The following RGL1 variants were observed in gnomAD, a reference collection of about 807,000 sequenced individuals.
RGL1 encodes the protein ral guanine nucleotide dissociation stimulator like 1, also known as ral guanine nucleotide dissociation stimulator-like 1.
Under a neutral mutation model 95.2 loss-of-function variants are expected in RGL1, and 24 were observed. The ratio of observed to expected loss-of-function variants is 0.25; its 90% CI spans 0.18 to 0.35. RGL1 has a LOEUF of 0.35. Ranked by LOEUF, RGL1 falls within the 10% of genes least tolerant of loss-of-function variation. The pLI is 1.00. For synonymous variants in RGL1, 329 were observed against 344.9 expected (o/e 0.95, Z 0.51); for missense variants, 715 against 936.3 (o/e 0.76, Z 3.08).
chr1:183,916,352 C>T (rs1211219315), intron 15 of RGL1, 95 bp from the exon 16 acceptor site: 2 of 1,431,122 alleles, frequency 1.4e-6, no homozygotes, highest in Non-Finnish European at 1.9e-6. Flanking sequence ...TAACTGCAGT[C>T]TATCAGTCTT....
At chr1:183,878,146 TTCTTTCTATCTATCTA>T (rs1300289473) in intron 4 of RGL1, among the ~76,000 whole-genome samples, 92 of 97,374 alleles carry the variant, frequency 9.4e-4, no homozygotes, top group African/African-American at 3.5e-3. Flanking sequence ...CATGTTGATT[TTCTTTCTATCTATCTA>T]TCTATCTATC....
At chr1:183,670,718 A>G (rs1168163123) in intron 1 of RGL1, among the ~76,000 whole-genome samples, 1 of 152,138 alleles carries the variant, frequency 6.6e-6, no homozygotes, top group Admixed American at 6.5e-5. Flanking sequence ...AGAGTTGTTG[A>G]TTTTTCAGTC....
intron 4 of RGL1, among the ~76,000 whole-genome samples, chr1:183,875,858 G>A (rs1014228154): frequency 1.2e-4 from 16 of 129,260 alleles, no homozygotes; most frequent in East Asian, 2.2e-4. Flanking sequence ...CAGCCTGGGC[G>A]ACAGCTCTGT....
intron 1 of RGL1, among the ~76,000 whole-genome samples, chr1:183,805,997 T>TTTTTTTTTTTTTTTTTTTTTTTTTTC (rs1661303439): frequency 3.8e-4 from 31 of 80,554 alleles, no homozygotes; most frequent in Non-Finnish European, 5.0e-4. Context: ...TTTTTTTTTT[T>TTTTTTTTTTTTTTTTTTTTTTTTTTC]TTTTTTTTTT....
intron 14 of RGL1, among the ~76,000 whole-genome samples, chr1:183,907,744 T>A (rs1219332480): frequency 6.6e-6 from 1 of 152,214 alleles, no homozygotes; most frequent in African/African-American, 2.4e-5. Flanking sequence ...AACAGGAACC[T>A]TGTCTATCAT....
At chr1:183,636,255 C>T in exon 1 of RGL1, 1 of 398,746 alleles carries the variant, frequency 2.5e-6, no homozygotes, top group Non-Finnish European at 4.4e-6. Flanking sequence ...GAGTGCCCTG[C>T]AGTTGGTAGG....
At chr1:183,686,476 T>C (rs1018932528) in intron 1 of RGL1, among the ~76,000 whole-genome samples, 5 of 152,206 alleles carry the variant, frequency 3.3e-5, no homozygotes, top group Non-Finnish European at 7.3e-5. Context: ...ATTACCCTGA[T>C]AGGAAATTTT....
intron 1 of RGL1, chr1:183,653,100 A>T (rs1220933933): frequency 1.3e-5 from 2 of 152,258 alleles, no homozygotes; most frequent in African/African-American, 4.8e-5. Context: ...CTTGGATCAC[A>T]TTCCAGGTGT....
At chr1:183,785,893 TG>T (rs1347710750) in intron 2 of RGL1, among the ~76,000 whole-genome samples, 1 of 152,110 alleles carries the variant, frequency 6.6e-6, no homozygotes, top group Non-Finnish European at 1.5e-5. Flanking sequence ...GAGACCAGCC[TG>T]GGCAACAGAG....
intron 1 of RGL1, among the ~76,000 whole-genome samples, chr1:183,707,391 T>C (rs187822970): frequency 5.9e-4 from 90 of 152,120 alleles, no homozygotes; most frequent in Non-Finnish European, 1.1e-3. Flanking sequence ...TTGAGAGAGA[T>C]CAGTGAGGGG....
At chr1:183,809,773 C>T (rs927678064) in intron 2 of RGL1, among the ~76,000 whole-genome samples, 1 of 152,072 alleles carries the variant, frequency 6.6e-6, no homozygotes, top group Non-Finnish European at 1.5e-5. Context: ...TAGCAAGACC[C>T]TGTCTCTACT....
intron 1 of RGL1, among the ~76,000 whole-genome samples, chr1:183,663,794 CA>C (rs1287042282): frequency 6.6e-6 from 1 of 151,016 alleles, no homozygotes; most frequent in Non-Finnish European, 1.5e-5. Context: ...TTCACAATAG[CA>C]AAGACTTGGA....
chr1:183,638,880 C>G (rs981796815), intron 1 of RGL1, among the ~76,000 whole-genome samples: 2 of 152,178 alleles, frequency 1.3e-5, no homozygotes, highest in African/African-American at 4.8e-5. Flanking sequence ...TTAGAAGGGA[C>G]TTTAGTAAGG....
At chr1:183,764,359 C>T (rs1179935090) in intron 2 of RGL1, among the ~76,000 whole-genome samples, 1 of 152,086 alleles carries the variant, frequency 6.6e-6, no homozygotes, top group African/African-American at 2.4e-5. Context: ...GGAAGAGGAA[C>T]TGATCAATAG....
chr1:183,885,810 T>G lies in RGL1; in HGVS notation c.951+872T>G, dbSNP rs943427704. ...CTGAGACAGTAGAGGAGTAGGGCCA[T>G]GGGAGATAAGCACTGTAAAAGTGGG... On this transcript the variant is annotated intron_variant, in intron 7 of 17. Coordinates refer to ENST00000360851, the MANE Select transcript of RGL1 (RefSeq NM_001297671.3). Among the ~76,000 whole-genome samples, 3 of 152,232 alleles carry G rather than the reference T, an allele frequency of 2.0e-5. No homozygotes were observed. The South Asian group carries it at 6.2e-4, about 32-fold the overall frequency.
At chr1:183,840,995 T>G (rs1255689023) in intron 2 of RGL1, among the ~76,000 whole-genome samples, 4 of 152,152 alleles carry the variant, frequency 2.6e-5, no homozygotes, top group Non-Finnish European at 1.5e-5. Flanking sequence ...CTTCCCTCCA[T>G]GTCTTGCCTC....
At chr1:183,749,927 C>A (rs1657887573) in intron 2 of RGL1, among the ~76,000 whole-genome samples, 1 of 152,186 alleles carries the variant, frequency 6.6e-6, no homozygotes, top group South Asian at 2.1e-4. Flanking sequence ...ACAGAGAGAT[C>A]CACTGTCAGT....
chr1:183,665,751 T>C (rs1651982950), intron 1 of RGL1, among the ~76,000 whole-genome samples: 1 of 152,176 alleles, frequency 6.6e-6, no homozygotes, highest in East Asian at 1.9e-4. Context: ...ATTTCTGATA[T>C]TAGTAATTCG....
chr1:183,827,876 G>A (rs1315613549), intron 2 of RGL1, among the ~76,000 whole-genome samples: 1 of 152,204 alleles, frequency 6.6e-6, no homozygotes, highest in Non-Finnish European at 1.5e-5. Context: ...GAATGACAAA[G>A]CAGTATGGAG....
Sources: allele counts gnomAD v4.1 joint callset (sites outside exome capture counted in the v4.1 genomes callset), GRCh38; gene constraint gnomAD v4.1.1; transcripts MANE v1.5; gene names NCBI Gene and HGNC (gene_info 2026-07-23, HGNC 2026-07-21).